The following SRBD1 variants were observed in gnomAD, a reference collection of about 807,000 sequenced individuals.
SRBD1 encodes S1 RNA binding domain 1, also known as S1 RNA-binding domain-containing protein 1.
SRBD1 carries 88 observed loss-of-function variants against 115.3 expected under a neutral mutation model. The observed-to-expected ratio is 0.76, with a 90% CI of 0.64 to 0.91. SRBD1 has a LOEUF of 0.91. Among genes scored for constraint, SRBD1 ranks in the 40% least tolerant of loss-of-function variants. SRBD1 has a pLI of 0.00. For missense variants in SRBD1, 1,385 were observed against 1,177.4 expected (o/e 1.18, Z -2.58); for synonymous variants, 509 against 407.7 (o/e 1.25, Z -2.99).
At chr2:45,536,467 C>A (rs888503590) in intron 14 of SRBD1, among the ~76,000 whole-genome samples, 4 of 151,992 alleles carry the variant, frequency 2.6e-5, no homozygotes, top group Admixed American at 2.6e-4. Context: ...GTTCTCTTTT[C>A]CATAAAATTT....
At chr2:45,550,083 A>C (rs2104047983) in intron 12 of SRBD1, among the ~76,000 whole-genome samples, 1 of 152,280 alleles carries the variant, frequency 6.6e-6, no homozygotes, top group Admixed American at 6.5e-5. Flanking sequence ...GGGAGCTATA[A>C]CCCTATTTTT....
Position 45,581,743 on chromosome 2 carries a change from A to G in SRBD1, c.883T>C (p.Leu295=). The change falls in exon 6 of 21, where the codon TTG becomes CTG. Residue 295 remains leucine (L), a synonymous_variant. Coordinates refer to ENST00000263736, the MANE Select transcript of SRBD1 (RefSeq NM_018079.5). ...TTACAATTCAGCATGGCTTTTAACA[A>G]GCACTCAGACATCTTCCCTTCCTTC... The part of the protein sequence containing the change: ...IKKEGKMSEC[L]LKAMLNCKTF... 1 of 1,613,636 alleles carries G rather than the reference A, an allele frequency of 6.2e-7. No individual in the cohort carries two copies. Among genetic ancestry groups the G allele is most frequent in the Non-Finnish European group, 8.5e-7 (1 of 1,179,808 alleles).
intron 13 of SRBD1, 101 bp from the exon 14 acceptor site, chr2:45,546,940 T>G (rs1265839194): frequency 9.7e-6 from 11 of 1,138,282 alleles, no homozygotes; most frequent in Non-Finnish European, 1.4e-5. Context: ...TATGATTCTC[T>G]TATTCTCTCA....
intron 16 of SRBD1, among the ~76,000 whole-genome samples, chr2:45,467,215 G>A (rs1170573345): frequency 6.6e-6 from 1 of 152,174 alleles, no homozygotes; most frequent in Non-Finnish European, 1.5e-5. Context: ...TCTCCGCCCT[G>A]GTTGTACATT....
At chr2:45,561,068 G>A (rs1026590686) in intron 10 of SRBD1, among the ~76,000 whole-genome samples, 1 of 152,080 alleles carries the variant, frequency 6.6e-6, no homozygotes, top group African/African-American at 2.4e-5. Flanking sequence ...GATAGCACCT[G>A]TGTGCTCCAG....
intron 16 of SRBD1, among the ~76,000 whole-genome samples, chr2:45,421,736 C>G (rs1377771024): frequency 1.3e-5 from 2 of 151,876 alleles, no homozygotes; most frequent in African/African-American, 4.8e-5. Context: ...GTAGAGTCCC[C>G]AAGTATTGTG....
chr2:45,603,695 A>G (rs1372833252), intron 2 of SRBD1, among the ~76,000 whole-genome samples: 1 of 151,778 alleles, frequency 6.6e-6, no homozygotes, highest in African/African-American at 2.4e-5. Flanking sequence ...ATGCCTGGCT[A>G]ATTTTTGTAT....
intron 12 of SRBD1, among the ~76,000 whole-genome samples, chr2:45,549,433 T>C (rs1672224878): frequency 6.6e-6 from 1 of 151,480 alleles, no homozygotes; most frequent in Non-Finnish European, 1.5e-5. Context: ...AAATGCATGA[T>C]AGTCAAATTC....
chr2:45,573,070 A>C, intron 9 of SRBD1, 137 bp downstream of exon 9: 1 of 995,084 alleles, frequency 1.0e-6, no homozygotes, highest in East Asian at 3.0e-5. Flanking sequence ...AGGATATGAC[A>C]ATATTATAAG....
chr2:45,588,419 T>C (rs1161488917), intron 4 of SRBD1, among the ~76,000 whole-genome samples: 1 of 152,192 alleles, frequency 6.6e-6, no homozygotes, highest in Non-Finnish European at 1.5e-5. Context: ...TGTTGCTTGT[T>C]ATCTTCCCTG....
chr2:45,564,641 A>C (rs993133081), intron 9 of SRBD1, among the ~76,000 whole-genome samples: 1 of 152,220 alleles, frequency 6.6e-6, no homozygotes, highest in South Asian at 2.1e-4. Context: ...TCCATTTATG[A>C]TACCACCAAA....
At chr2:45,440,664 C>T (rs560660335) in intron 16 of SRBD1, among the ~76,000 whole-genome samples, 49 of 152,276 alleles carry the variant, frequency 3.2e-4, no homozygotes, top group African/African-American at 1.0e-3. Context: ...AGATTTATAG[C>T]TTAGTCATAA....
intron 14 of SRBD1, among the ~76,000 whole-genome samples, chr2:45,543,383 G>A (rs184181596): frequency 6.6e-6 from 1 of 152,318 alleles, no homozygotes; most frequent in African/African-American, 2.4e-5. Flanking sequence ...TATGAATTAG[G>A]ATATATATCA....
intron 14 of SRBD1, among the ~76,000 whole-genome samples, chr2:45,515,747 T>G (rs1011677613): frequency 2.0e-5 from 3 of 152,106 alleles, no homozygotes; most frequent in Non-Finnish European, 2.9e-5. Context: ...ATAGATTACA[T>G]GAAGAAAGAA....
intron 16 of SRBD1, among the ~76,000 whole-genome samples, chr2:45,463,861 G>C (rs1302658644): frequency 6.6e-6 from 1 of 151,932 alleles, no homozygotes; most frequent in Non-Finnish European, 1.5e-5. Context: ...CTCCCTTAGG[G>C]CTCTGTATCA....
chr2:45,574,695 T>G lies in SRBD1; in HGVS notation c.1101A>C (p.Ile367=). ...KGLSTLQDIE[I]GVQHILADMI... ...TATCTGCTAAAATATGCTGCACTCCTATTTCAATATCCTGAAGCGTTGAAA... is the reference window on the plus strand; with the variant it reads ...TATCTGCTAAAATATGCTGCACTCCGATTTCAATATCCTGAAGCGTTGAAA... The change falls in exon 8 of 21, where the codon ATA becomes ATC. Residue 367 remains isoleucine, a synonymous_variant. Transcript: ENST00000263736. 1 of 1,613,650 alleles carries G rather than the reference T, an allele frequency of 6.2e-7. No homozygotes were observed. The highest frequency in any genetic ancestry group is 8.5e-7 in the Non-Finnish European group (1 of 1,179,808).
chr2:45,573,491 C>T, intron 8 of SRBD1, 149 bp from the exon 9 acceptor site: 2 of 863,612 alleles, frequency 2.3e-6, no homozygotes, highest in South Asian at 1.9e-5. Flanking sequence ...GATATTACTA[C>T]CCCATCAAAA....
intron 1 of SRBD1, among the ~76,000 whole-genome samples, chr2:45,607,371 C>T (rs1399021332): frequency 1.3e-5 from 2 of 152,082 alleles, no homozygotes; most frequent in South Asian, 2.1e-4. Context: ...TTCCTACCTC[C>T]ACACCATTAA....
intron 18 of SRBD1, among the ~76,000 whole-genome samples, chr2:45,417,229 G>A (rs1667860449): frequency 6.6e-6 from 1 of 151,782 alleles, no homozygotes; most frequent in South Asian, 2.1e-4. Flanking sequence ...TACTTTTTTT[G>A]ACATTTAAGT....
Sources: gnomAD v4.1 joint callset for allele counts (sites outside exome capture counted in the v4.1 genomes callset) on GRCh38, gnomAD v4.1.1 for gene constraint, MANE v1.5 for transcripts, NCBI Gene and HGNC (gene_info 2026-07-23, HGNC 2026-07-21) for gene names.